Variants in THEMIS observed in about 807,000 individuals in gnomAD.
The protein encoded by THEMIS is thymocyte selection associated, also known as protein THEMIS.
In THEMIS, 37 loss-of-function variants were observed where a neutral mutation model predicts 52.6. The ratio of observed to expected loss-of-function variants is 0.70; its 90% CI spans 0.54 to 0.93. The LOEUF (loss-of-function observed/expected upper bound fraction) is 0.93. Ranked by LOEUF, THEMIS falls within the 40% of genes least tolerant of loss-of-function variation. The pLI, the probability that THEMIS is intolerant of heterozygous loss-of-function variation, is 0.00. For synonymous variants in THEMIS, 292 were observed against 272.7 expected (o/e 1.07, Z -0.70); for missense variants, 808 against 763.1 (o/e 1.06, Z -0.69).
chr6:127,765,725 G>A (rs1032981104), intron 4 of THEMIS, among the ~76,000 whole-genome samples: 5 of 151,962 alleles, frequency 3.3e-5, no homozygotes, highest in African/African-American at 7.2e-5. Flanking sequence ...ATTGCCTCCA[G>A]TATTCAGTAC....
intron 5 of THEMIS, among the ~76,000 whole-genome samples, chr6:127,718,324 G>T (rs1583194393): frequency 6.6e-6 from 1 of 151,798 alleles, no homozygotes; most frequent in Non-Finnish European, 1.5e-5. Flanking sequence ...AAGTTAGGGG[G>T]TCTCACTTGC....
At chr6:127,814,600 C>T (rs572610685) in intron 3 of THEMIS, among the ~76,000 whole-genome samples, 34 of 152,268 alleles carry the variant, frequency 2.2e-4, no homozygotes, top group Non-Finnish European at 1.5e-4. Flanking sequence ...ATTATACCTG[C>T]CTACCAAAGG....
At chr6:127,832,777 C>CATTTTTTTTTT (rs1778739880) in intron 2 of THEMIS, among the ~76,000 whole-genome samples, 1 of 57,796 alleles carries the variant, frequency 1.7e-5, no homozygotes, top group Non-Finnish European at 2.9e-5. Flanking sequence ...ATTGTCAGAT[C>CATTTTTTTTTT]TTTTTTTTTT....
intron 4 of THEMIS, among the ~76,000 whole-genome samples, chr6:127,723,000 T>C (rs776632775): frequency 2.0e-5 from 3 of 152,036 alleles, no homozygotes; most frequent in Non-Finnish European, 4.4e-5. Flanking sequence ...AAGTCTATCA[T>C]CAGCTGAAAT....
chr6:127,857,379 GGCACTGAGATGTGAAAGA>G (rs561595184), intron 1 of THEMIS, among the ~76,000 whole-genome samples: 3,574 of 151,762 alleles, frequency 0.024, 55 homozygotes, highest in Middle Eastern at 0.034. Context: ...TATTTGAAAA[GGCACTGAGATGTGAAAGA>G]GCCTGATACA....
chr6:127,760,428 AATTTTGATAGGT>A (rs1184553840), intron 4 of THEMIS, among the ~76,000 whole-genome samples: 2 of 152,110 alleles, frequency 1.3e-5, no homozygotes, highest in African/African-American at 4.8e-5. Flanking sequence ...CTTCCATTGA[AATTTTGATAGGT>A]ATTACATTAA....
intron 4 of THEMIS, among the ~76,000 whole-genome samples, chr6:127,806,746 G>A (rs896514959): frequency 2.6e-5 from 4 of 152,136 alleles, no homozygotes; most frequent in African/African-American, 9.7e-5. Flanking sequence ...CACAGTACAT[G>A]TCATGCCTAG....
At chr6:127,740,741 T>A (rs1775175498) in intron 4 of THEMIS, among the ~76,000 whole-genome samples, 1 of 152,212 alleles carries the variant, frequency 6.6e-6, no homozygotes, top group South Asian at 2.1e-4. Context: ...CATAGCATTA[T>A]ACCTCCAGAG....
intron 4 of THEMIS, among the ~76,000 whole-genome samples, chr6:127,767,945 T>G (rs1406477010): frequency 6.6e-6 from 1 of 152,172 alleles, no homozygotes; most frequent in Non-Finnish European, 1.5e-5. Flanking sequence ...TGTATATATG[T>G]GGTCCATAGT....
At chr6:127,894,458 T>C (rs1255520376) in intron 1 of THEMIS, among the ~76,000 whole-genome samples, 2 of 151,942 alleles carry the variant, frequency 1.3e-5, no homozygotes, top group South Asian at 2.1e-4. Flanking sequence ...TAATTAGATC[T>C]GAGGAATAAT....
upstream of THEMIS, among the ~76,000 whole-genome samples, chr6:127,903,260 A>G (rs568197516): frequency 2.0e-5 from 3 of 152,182 alleles, no homozygotes; most frequent in South Asian, 6.2e-4. Flanking sequence ...ACACAGGCAA[A>G]AAAATCCTGA....
chr6:127,732,538 C>T (rs1774848934), intron 4 of THEMIS, among the ~76,000 whole-genome samples: 1 of 152,174 alleles, frequency 6.6e-6, no homozygotes. Context: ...TCCTTCATGC[C>T]TCAACCTAAT....
chr6:127,803,487 G>A (rs951873073), intron 4 of THEMIS, among the ~76,000 whole-genome samples: 4 of 151,680 alleles, frequency 2.6e-5, no homozygotes, highest in African/African-American at 9.7e-5. Flanking sequence ...ATCTTTTCCT[G>A]TTATACATCC....
chr6:127,702,717 G>T, the THEMIS span, among the ~76,000 whole-genome samples: 1 of 151,972 alleles, frequency 6.6e-6, no homozygotes, highest in Non-Finnish European at 1.5e-5. Context: ...AAAGAAAGTG[G>T]TTTATTGGAT....
intron 4 of THEMIS, among the ~76,000 whole-genome samples, chr6:127,791,930 A>G (rs1429050159): frequency 6.6e-6 from 1 of 152,212 alleles, no homozygotes; most frequent in African/African-American, 2.4e-5. Flanking sequence ...AGGCAGCGAG[A>G]GCAGGCACTT....
At chr6:127,876,263 G>T (rs920005465) in intron 1 of THEMIS, among the ~76,000 whole-genome samples, 1 of 152,104 alleles carries the variant, frequency 6.6e-6, no homozygotes, top group African/African-American at 2.4e-5. Flanking sequence ...CCACCAGCAG[G>T]CACTGGCACT....
chr6:127,868,353 C>T (rs1297133271), intron 1 of THEMIS: 3 of 814,942 alleles, frequency 3.7e-6, no homozygotes, highest in Middle Eastern at 6.2e-4. Context: ...ATGGATGGGG[C>T]TTTGTTTTCC....
At chr6:127,760,701 C>T (rs565345275) in intron 4 of THEMIS, among the ~76,000 whole-genome samples, 10 of 152,038 alleles carry the variant, frequency 6.6e-5, no homozygotes, top group African/African-American at 2.4e-4. Context: ...GATTTGGGAC[C>T]AGGAGTTAAA....
chr6:127,757,289 A>G (rs928468896), intron 4 of THEMIS, among the ~76,000 whole-genome samples: 2 of 152,214 alleles, frequency 1.3e-5, no homozygotes, highest in Admixed American at 1.3e-4. Flanking sequence ...GTAAATATAC[A>G]AATTTTTTCT....
Sources: allele counts gnomAD v4.1 joint callset (sites outside exome capture counted in the v4.1 genomes callset), GRCh38; gene constraint gnomAD v4.1.1; transcripts MANE v1.5; gene names NCBI Gene and HGNC (gene_info 2026-07-23, HGNC 2026-07-21).